The following PHLDB2 variants were observed in gnomAD, a reference collection of about 807,000 sequenced individuals.
PHLDB2 encodes pleckstrin homology-like domain family B member 2.
In PHLDB2, 71 loss-of-function variants were observed where a neutral mutation model predicts 123.6. The ratio of observed to expected loss-of-function variants is 0.57; its 90% CI spans 0.47 to 0.70. The LOEUF (loss-of-function observed/expected upper bound fraction) is 0.70. Ranked by LOEUF, PHLDB2 falls within the 30% of genes least tolerant of loss-of-function variation. The probability of loss-of-function intolerance (pLI) is 0.00; values close to 1 mark genes in which losing one functional copy is unlikely to be tolerated. For missense variants in PHLDB2, 1,446 were observed against 1,519.5 expected, an observed-to-expected ratio of 0.95 and a Z score of 0.80; for synonymous variants, 547 against 541.6, an observed-to-expected ratio of 1.01 and a Z score of -0.14.
intron 10 of PHLDB2, chr3:111,949,694 C>T (rs541778131): frequency 1.0e-6 from 1 of 981,540 alleles, no homozygotes; most frequent in South Asian, 4.7e-5. Flanking sequence ...TTTCTTTCTC[C>T]TATAAAGCAA....
At chr3:111,873,445 G>T (rs150548085) in intron 1 of PHLDB2, among the ~76,000 whole-genome samples, 94 of 152,218 alleles carry the variant, frequency 6.2e-4, no homozygotes, top group Middle Eastern at 3.4e-3. Context: ...CTACAAACAG[G>T]TTCGAGTATA....
At chr3:111,735,116 G>C (rs979442124) in intron 1 of PHLDB2, among the ~76,000 whole-genome samples, 4 of 152,160 alleles carry the variant, frequency 2.6e-5, no homozygotes, top group Non-Finnish European at 5.9e-5. Flanking sequence ...ACTCTTTCCA[G>C]AGAAGAAATG....
intron 1 of PHLDB2, among the ~76,000 whole-genome samples, chr3:111,864,893 T>G (rs2064994675): frequency 6.6e-6 from 1 of 152,232 alleles, no homozygotes; most frequent in African/African-American, 2.4e-5. Context: ...GGAATTGGTG[T>G]TGATCATCTT....
intron 12 of PHLDB2, among the ~76,000 whole-genome samples, chr3:111,954,439 A>G (rs963257656): frequency 2.0e-5 from 3 of 152,240 alleles, no homozygotes; most frequent in African/African-American, 7.2e-5. Flanking sequence ...CTGACACAGC[A>G]AATATAGCAT....
intron 1 of PHLDB2, among the ~76,000 whole-genome samples, chr3:111,760,642 A>G (rs2059976770): frequency 6.6e-6 from 1 of 151,472 alleles, no homozygotes; most frequent in African/African-American, 2.4e-5. Flanking sequence ...AAGGCAGAAA[A>G]CGTGTTCTGT....
upstream of PHLDB2, among the ~76,000 whole-genome samples, chr3:111,857,076 A>G (rs900895458): frequency 2.0e-5 from 3 of 152,094 alleles, no homozygotes; most frequent in Non-Finnish European, 4.4e-5. Context: ...GGGCAATTAG[A>G]ACAAAGGCCC....
chr3:111,915,280 G>A (rs1326437830), intron 3 of PHLDB2: 1 of 152,164 alleles, frequency 6.6e-6, no homozygotes, highest in East Asian at 1.9e-4. Context: ...GCATTATTCA[G>A]GGGAGTTTGC....
intron 1 of PHLDB2, among the ~76,000 whole-genome samples, chr3:111,780,020 A>G (rs2060345264): frequency 1.3e-5 from 2 of 151,918 alleles, no homozygotes; most frequent in Non-Finnish European, 2.9e-5. Flanking sequence ...ACATTCATTT[A>G]CAAGTCAATT....
chr3:111,735,277 G>A (rs1259326150), intron 1 of PHLDB2, among the ~76,000 whole-genome samples: 3 of 152,190 alleles, frequency 2.0e-5, no homozygotes, highest in Non-Finnish European at 4.4e-5. Flanking sequence ...CTCACCATCT[G>A]CAACCCAAAG....
At chr3:111,780,907 G>A (rs1222941330) in intron 1 of PHLDB2, among the ~76,000 whole-genome samples, 2 of 152,068 alleles carry the variant, frequency 1.3e-5, no homozygotes, top group African/African-American at 2.4e-5. Context: ...TAGATTGCCT[G>A]TTCCTCTATA....
At chr3:111,926,238 T>C (rs2068806581) in intron 5 of PHLDB2, among the ~76,000 whole-genome samples, 2 of 152,252 alleles carry the variant, frequency 1.3e-5, no homozygotes, top group African/African-American at 2.4e-5. Context: ...GCATATATCA[T>C]TGCATGTTAA....
At chr3:111,744,064 G>A (rs1247656744) in intron 1 of PHLDB2, among the ~76,000 whole-genome samples, 1 of 152,116 alleles carries the variant, frequency 6.6e-6, no homozygotes, top group African/African-American at 2.4e-5. Flanking sequence ...CAGACGAAAG[G>A]TTACTGTTCC....
chr3:111,826,845 T>G (rs768372172), intron 1 of PHLDB2, among the ~76,000 whole-genome samples: 1 of 152,120 alleles, frequency 6.6e-6, no homozygotes, highest in Non-Finnish European at 1.5e-5. Context: ...GGGAGCAGCC[T>G]GCCTCTAGGA....
intron 3 of PHLDB2, chr3:111,917,569 T>C (rs1423081939): frequency 6.6e-6 from 1 of 152,240 alleles, no homozygotes; most frequent in Non-Finnish European, 1.5e-5. Context: ...ATTAGGACAA[T>C]GAGCTTTATT....
At chr3:111,893,422 A>G (rs2066619734) in intron 2 of PHLDB2, among the ~76,000 whole-genome samples, 1 of 152,124 alleles carries the variant, frequency 6.6e-6, no homozygotes, top group Admixed American at 6.5e-5. Context: ...TAAATTGCAG[A>G]TGGTGTGAGA....
intron 1 of PHLDB2, among the ~76,000 whole-genome samples, chr3:111,747,966 T>TG (rs1417799901): frequency 6.6e-6 from 1 of 152,210 alleles, no homozygotes; most frequent in African/African-American, 2.4e-5. Context: ...CTGGAGCTTC[T>TG]GGTCCTACAG....
At chr3:111,837,936 G>A (rs190751991) in intron 1 of PHLDB2, among the ~76,000 whole-genome samples, 4 of 152,068 alleles carry the variant, frequency 2.6e-5, no homozygotes, top group East Asian at 1.9e-4. Flanking sequence ...TCAGCTACTC[G>A]GGAACTGCAG....
intron 1 of PHLDB2, among the ~76,000 whole-genome samples, chr3:111,777,364 C>T (rs2060284845): frequency 6.6e-6 from 1 of 151,980 alleles, no homozygotes; most frequent in Non-Finnish European, 1.5e-5. Context: ...TATTTTCTTT[C>T]TTTTTTTCTC....
At chr3:111,914,453 A>G (rs1307282776) in intron 3 of PHLDB2, 1 of 152,188 alleles carries the variant, frequency 6.6e-6, no homozygotes, top group African/African-American at 2.4e-5. Context: ...TATAAACACA[A>G]GTGTTCTCCA....
Sources: allele counts gnomAD v4.1 joint callset (sites outside exome capture counted in the v4.1 genomes callset), GRCh38; gene constraint gnomAD v4.1.1; transcripts MANE v1.5; gene names NCBI Gene and HGNC (gene_info 2026-07-23, HGNC 2026-07-21).